PHF24: variants seen among roughly 807,000 people sequenced by gnomAD.
PHF24 encodes the protein PHD finger protein 24.
Under a neutral mutation model 42.6 loss-of-function variants are expected in PHF24, and 25 were observed. The observed-to-expected ratio is 0.59, with a 90% CI of 0.43 to 0.82. The LOEUF (loss-of-function observed/expected upper bound fraction) is 0.82, where lower values mean the gene tolerates loss of function less well. PHF24 is among the 40% of genes least tolerant of loss of function. PHF24 has a pLI of 0.00. For synonymous variants in PHF24, 185 were observed against 204.8 expected, an observed-to-expected ratio of 0.90 and a Z score of 0.83; for missense variants, 470 against 538.1, an observed-to-expected ratio of 0.87 and a Z score of 1.25.
chr9:34,729,480 G>A, the PHF24 span: 1 of 1,509,060 alleles, frequency 6.6e-7, no homozygotes, highest in African/African-American at 1.4e-5. Flanking sequence ...CGGAATTCAG[G>A]GTTCTGGTGC....
the PHF24 span, among the ~76,000 whole-genome samples, chr9:34,669,758 G>C: frequency 6.6e-6 from 1 of 152,018 alleles, no homozygotes; most frequent in Non-Finnish European, 1.5e-5. Flanking sequence ...TTTGTCCCTG[G>C]CTCCTGAGAG....
At chr9:34,811,428 G>C in the PHF24 span, among the ~76,000 whole-genome samples, 1 of 152,132 alleles carries the variant, frequency 6.6e-6, no homozygotes, top group Non-Finnish European at 1.5e-5. Context: ...TCATGGCAGG[G>C]GGTTTGTTAT....
chr9:34,837,654 C>T, the PHF24 span: 2 of 1,518,140 alleles, frequency 1.3e-6, no homozygotes, highest in Non-Finnish European at 1.8e-6. Flanking sequence ...GGGACTTCAC[C>T]TGTTGATGCT....
intron 7 of PHF24, 126 bp downstream of exon 7, chr9:34,977,767 A>G (rs1028823831): frequency 3.5e-6 from 3 of 863,316 alleles, no homozygotes; most frequent in Middle Eastern, 2.2e-4. Context: ...CCAGGCTCCA[A>G]GAGTGCACAT....
chr9:34,689,844 AGGAG>A, the PHF24 span: 1 of 1,614,098 alleles, frequency 6.2e-7, no homozygotes, highest in Non-Finnish European at 8.5e-7. The surrounding 1 kb of genome is among the most constrained non-coding windows in gnomAD (Gnocchi z 4.1). Context: ...CTTCATCTAG[AGGAG>A]GAAGGAGAGG....
the PHF24 span, among the ~76,000 whole-genome samples, chr9:34,734,277 T>G: frequency 6.6e-6 from 1 of 152,204 alleles, no homozygotes; most frequent in Non-Finnish European, 1.5e-5. Flanking sequence ...TTTAATGAAT[T>G]GCTAAAGGCC....
At chr9:34,691,349 C>T in the PHF24 span, 1 of 518,046 alleles carries the variant, frequency 1.9e-6, no homozygotes, top group Admixed American at 3.5e-5. Flanking sequence ...CTTCATGTCC[C>T]ATTCTGTGAT....
chr9:34,725,854 C>G, the PHF24 span: 244 of 1,551,724 alleles, frequency 1.6e-4, no homozygotes, highest in Non-Finnish European at 2.1e-4. Flanking sequence ...TCAAGGGGGG[C>G]TTGGGCACAT....
In PHF24 at chr9:34,962,331, A is replaced by G. The variant is rs191847472; in HGVS notation, c.-5+3930A>G. Among the ~76,000 whole-genome samples, 7 of 149,796 alleles carry G rather than the reference A, an allele frequency of 4.7e-5. No homozygotes were observed. The East Asian group carries it at 1.4e-3, about 29-fold the overall frequency. On this transcript the variant is annotated intron_variant, in intron 1 of 7. Coordinates refer to ENST00000242315, the Ensembl canonical transcript of PHF24. ...TCCCCATATAGCTCCATGCCTTGGC[A>G]TGTGCTGTTACCTCTTCCTGGAATG...
chr9:34,848,448 C>A, the PHF24 span, among the ~76,000 whole-genome samples: 1 of 151,970 alleles, frequency 6.6e-6, no homozygotes, highest in Non-Finnish European at 1.5e-5. Context: ...GTGGTGATAT[C>A]CCCTTTATCA....
the PHF24 span, among the ~76,000 whole-genome samples, chr9:34,788,157 C>G: frequency 7.2e-5 from 11 of 152,254 alleles, no homozygotes; most frequent in Non-Finnish European, 7.4e-5. Context: ...CCTGCCGCAG[C>G]CTCCTGAGTA....
the PHF24 span, chr9:34,690,467 T>TGC: frequency 1.1e-6 from 1 of 874,888 alleles, no homozygotes. Flanking sequence ...TGTGTGTGTG[T>TGC]GTCTGGTGGG....
chr9:34,823,378 C>T, the PHF24 span, among the ~76,000 whole-genome samples: 2 of 152,162 alleles, frequency 1.3e-5, no homozygotes, highest in African/African-American at 2.4e-5. Flanking sequence ...CCCTATCTCA[C>T]TCAAAACATC....
At chr9:34,757,736 CAG>C in the PHF24 span, among the ~76,000 whole-genome samples, 1 of 151,984 alleles carries the variant, frequency 6.6e-6, no homozygotes, top group East Asian at 1.9e-4. Flanking sequence ...GCATGTGTCT[CAG>C]TGGGCTAGGC....
chr9:34,720,465 AAC>A, the PHF24 span, among the ~76,000 whole-genome samples: 158 of 150,154 alleles, frequency 1.1e-3, 19 homozygotes, highest in Non-Finnish European at 1.6e-3. Context: ...AAAAAAACAA[AAC>A]AAAACAAAAA....
chr9:34,716,201 G>A, the PHF24 span, among the ~76,000 whole-genome samples: 1 of 152,240 alleles, frequency 6.6e-6, no homozygotes, highest in Admixed American at 6.5e-5. Context: ...TGTGCAAAAT[G>A]TGTGTGTCTA....
the PHF24 span, among the ~76,000 whole-genome samples, chr9:34,915,986 T>A: frequency 6.6e-6 from 1 of 151,912 alleles, no homozygotes; most frequent in African/African-American, 2.4e-5. Flanking sequence ...AATCAGGTGG[T>A]TTTATAAGGG....
chr9:34,811,666 G>A, the PHF24 span, among the ~76,000 whole-genome samples: 1 of 152,116 alleles, frequency 6.6e-6, no homozygotes, highest in African/African-American at 2.4e-5. Context: ...CTAAGACAAG[G>A]CTAAATAGAC....
the PHF24 span, among the ~76,000 whole-genome samples, chr9:34,704,887 G>T: frequency 6.6e-6 from 1 of 152,150 alleles, no homozygotes; most frequent in Non-Finnish European, 1.5e-5. Context: ...TAATTTTCTG[G>T]ATGACACTGA....
Sources: gnomAD v4.1 joint callset for allele counts (sites outside exome capture counted in the v4.1 genomes callset) on GRCh38, gnomAD v4.1.1 for gene constraint, Gnocchi (gnomAD v3.1) non-coding constraint, MANE v1.5 for transcripts, NCBI Gene and HGNC (gene_info 2026-07-23, HGNC 2026-07-21) for gene names.